The following STON2 variants were observed in gnomAD, a reference collection of about 807,000 sequenced individuals.
The protein encoded by STON2 is stonin-2.
A neutral mutation model predicts 65.7 loss-of-function variants in STON2; 29 were observed. That is an observed-to-expected ratio of 0.44 (90% CI 0.33 to 0.60). The LOEUF (loss-of-function observed/expected upper bound fraction) is 0.60, where lower values mean the gene tolerates loss of function less well. Among genes scored for constraint, STON2 ranks in the 20% least tolerant of loss-of-function variants. The pLI is 0.03. For synonymous variants in STON2, 404 were observed against 414.2 expected, an observed-to-expected ratio of 0.98 and a Z score of 0.30; for missense variants, 1,054 against 1,118.1, an observed-to-expected ratio of 0.94 and a Z score of 0.82.
intron 4 of STON2, among the ~76,000 whole-genome samples, chr14:81,337,768 G>A (rs1323343536): frequency 6.6e-6 from 1 of 152,108 alleles, no homozygotes; most frequent in East Asian, 1.9e-4. Flanking sequence ...CTACCTTGGG[G>A]AGTCACTGTA....
chr14:81,337,592 C>T (rs2140283148), intron 4 of STON2, among the ~76,000 whole-genome samples: 1 of 152,200 alleles, frequency 6.6e-6, no homozygotes, highest in South Asian at 2.1e-4. Flanking sequence ...TGAGCAGAGA[C>T]ATGAATGGAG....
At chr14:81,320,298 A>G (rs2140239294) in intron 5 of STON2, among the ~76,000 whole-genome samples, 1 of 150,678 alleles carries the variant, frequency 6.6e-6, no homozygotes, top group East Asian at 2.0e-4. Flanking sequence ...ACTTCTATGA[A>G]TTCTGTTGGC....
At chr14:81,374,279 A>G (rs537796045) in intron 3 of STON2, among the ~76,000 whole-genome samples, 38 of 151,800 alleles carry the variant, frequency 2.5e-4, no homozygotes, top group Non-Finnish European at 4.6e-4. Flanking sequence ...TCTGCCTCCC[A>G]AAGTGTTAGG....
At chr14:81,280,365 G>C (rs1837896981) in intron 5 of STON2, among the ~76,000 whole-genome samples, 1 of 152,132 alleles carries the variant, frequency 6.6e-6, no homozygotes, top group East Asian at 1.9e-4. Context: ...CATATAGTAG[G>C]TACTCAATAA....
intron 5 of STON2, among the ~76,000 whole-genome samples, chr14:81,279,394 A>G (rs1895014006): frequency 6.6e-6 from 1 of 152,226 alleles, no homozygotes; most frequent in Non-Finnish European, 1.5e-5. Flanking sequence ...GAATCTCACT[A>G]GTAATAAGAA....
intron 1 of STON2, among the ~76,000 whole-genome samples, chr14:81,435,911 G>C (rs1902400039): frequency 1.3e-5 from 2 of 152,194 alleles, no homozygotes; most frequent in African/African-American, 4.8e-5. Context: ...GCGCCAACCC[G>C]GGGTTTCAGG....
chr14:81,298,206 C>T (rs539964408), intron 5 of STON2, among the ~76,000 whole-genome samples: 5 of 152,190 alleles, frequency 3.3e-5, no homozygotes, highest in East Asian at 3.9e-4. Flanking sequence ...ATTCTAGATG[C>T]GGGTGCCCTT....
chr14:81,362,597 A>C (rs1372837365), intron 4 of STON2, among the ~76,000 whole-genome samples: 5 of 152,190 alleles, frequency 3.3e-5, no homozygotes, highest in Non-Finnish European at 7.3e-5. Context: ...ACAGTGACTA[A>C]TATTGTATTT....
At chr14:81,293,830 G>A (rs1290305428) in intron 5 of STON2, among the ~76,000 whole-genome samples, 2 of 152,122 alleles carry the variant, frequency 1.3e-5, no homozygotes, top group African/African-American at 4.8e-5. Flanking sequence ...GAGGTCAGCT[G>A]AGCCTAGCAC....
At chr14:81,320,140 G>A (rs1282009344) in intron 5 of STON2, among the ~76,000 whole-genome samples, 1 of 152,010 alleles carries the variant, frequency 6.6e-6, no homozygotes, top group African/African-American at 2.4e-5. Flanking sequence ...CTGGGGTGAT[G>A]GGGTCTCTGG....
chr14:81,379,252 T>A (rs545067580), intron 3 of STON2, among the ~76,000 whole-genome samples: 1 of 152,244 alleles, frequency 6.6e-6, no homozygotes, highest in East Asian at 1.9e-4. Context: ...AAAATGAAAT[T>A]TAAAGCAAGA....
intron 5 of STON2, among the ~76,000 whole-genome samples, chr14:81,304,482 G>A (rs1896095232): frequency 6.6e-6 from 1 of 152,160 alleles, no homozygotes; most frequent in African/African-American, 2.4e-5. Flanking sequence ...TAGCACTTTG[G>A]GAGGCCGAGG....
intron 5 of STON2, among the ~76,000 whole-genome samples, chr14:81,282,404 A>C (rs1595289229): frequency 6.6e-6 from 1 of 152,306 alleles, no homozygotes; most frequent in East Asian, 1.9e-4. Context: ...CAAGTCTTAA[A>C]TTTCCCTCTA....
At chr14:81,380,913 C>T (rs1280394177) in intron 3 of STON2, among the ~76,000 whole-genome samples, 2 of 152,112 alleles carry the variant, frequency 1.3e-5, no homozygotes, top group South Asian at 4.2e-4. Context: ...GTAGACCAAA[C>T]CCCCATGACA....
In STON2 at chr14:81,405,771, G is replaced by A. The variant is rs567817908; in HGVS notation, c.-198-7191C>T. On this transcript the variant is annotated intron_variant, in intron 2 of 8. Coordinates refer to the STON2 transcript ENST00000553821. ...CCTGTAGATCTTGACAGGGTATGAT[G>A]GTTAATATTGAGCGTCAACTTGATT... Among the ~76,000 whole-genome samples, 12 of 152,112 alleles carry A rather than the reference G, an allele frequency of 7.9e-5. No individual in the cohort carries two copies. In the South Asian group the frequency reaches 2.3e-3, roughly 29 times the overall value.
At chr14:81,434,386 A>G (rs1235445666) in intron 1 of STON2, among the ~76,000 whole-genome samples, 2 of 152,154 alleles carry the variant, frequency 1.3e-5, no homozygotes, top group African/African-American at 4.8e-5. Context: ...ACGCCACTGG[A>G]GAGAGTAAAA....
At chr14:81,346,002 T>C (rs1162432497) in intron 4 of STON2, among the ~76,000 whole-genome samples, 1 of 152,162 alleles carries the variant, frequency 6.6e-6, no homozygotes, top group Admixed American at 6.5e-5. Flanking sequence ...GGTGATGTGA[T>C]TTGTTCTTGA....
chr14:81,417,978 T>C (rs1161903290), intron 2 of STON2, among the ~76,000 whole-genome samples: 1 of 152,132 alleles, frequency 6.6e-6, no homozygotes, highest in African/African-American at 2.4e-5. Context: ...ATAAAGGGCC[T>C]TGAGTGGTCG....
chr14:81,300,106 G>A (rs554116305), intron 5 of STON2, among the ~76,000 whole-genome samples: 16 of 152,102 alleles, frequency 1.1e-4, no homozygotes, highest in African/African-American at 3.6e-4. Flanking sequence ...AGATAAATAA[G>A]TTAATGGAAC....
Sources: allele counts gnomAD v4.1 joint callset (sites outside exome capture counted in the v4.1 genomes callset), GRCh38; gene constraint gnomAD v4.1.1; transcripts MANE v1.5; gene names NCBI Gene and HGNC (gene_info 2026-07-23, HGNC 2026-07-21).